TCF20: variants seen among roughly 807,000 people sequenced by gnomAD.
TCF20 encodes SPRE-binding protein.
Under a neutral mutation model 148.6 loss-of-function variants are expected in TCF20, and 3 were observed. The observed-to-expected ratio is 0.02, with a 90% CI of 0.01 to 0.05. TCF20 has a LOEUF of 0.05. Ranked by LOEUF, TCF20 falls within the 10% of genes least tolerant of loss-of-function variation. TCF20 has a pLI of 1.00. For missense variants in TCF20, 2,350 were observed against 2,429.3 expected (o/e 0.97, Z 0.69); for synonymous variants, 1,049 against 909.5 (o/e 1.15, Z -2.76).
intron 1 of TCF20, among the ~76,000 whole-genome samples, chr22:42,246,791 C>T (rs895581834): frequency 5.3e-5 from 8 of 151,144 alleles, no homozygotes; most frequent in Non-Finnish European, 1.0e-4. Flanking sequence ...CATGGTGAAA[C>T]GCCATCTCTA....
chr22:42,210,590 A>G lies in TCF20; in HGVS notation c.4716T>C (p.Asp1572=), dbSNP rs763381166. 2 of 1,613,806 alleles carry G rather than the reference A, an allele frequency of 1.2e-6. No individual in the cohort carries two copies. The highest frequency in any genetic ancestry group is 1.1e-5 in the South Asian group (1 of 91,054). Residue 1572 remains aspartate, a synonymous_variant, in exon 2 of 6, where the codon GAT becomes GAC. Transcript: ENST00000677622. The surrounding 1 kb of genome is among the most constrained non-coding windows in gnomAD (Gnocchi z 4.7). ...QPPQIPEGSA[D]GEPKPKKQRQ... ...TCTGTTTTTTTGGCTTTGGCTCTCCATCTGCAGAACCTTCTGGTATCTGTG... is the reference window on the plus strand; with the variant it reads ...TCTGTTTTTTTGGCTTTGGCTCTCCGTCTGCAGAACCTTCTGGTATCTGTG...
At chr22:42,163,789 C>CT (rs927446710) in intron 5 of TCF20, among the ~76,000 whole-genome samples, 1 of 152,202 alleles carries the variant, frequency 6.6e-6, no homozygotes, top group Non-Finnish European at 1.5e-5. Context: ...GTGCTGAAGA[C>CT]TGTGAATTCT....
Position 42,214,353 on chromosome 22 carries a change from G to A in TCF20, c.953C>T (p.Pro318Leu), listed in dbSNP as rs758821659. 12 of 1,614,048 alleles carry A rather than the reference G, an allele frequency of 7.4e-6. No individual in the cohort carries two copies. The Admixed American group carries it at 8.3e-5, about 11-fold the overall frequency. ...CTGAGAAGGGTGTTGTTGTTGCTGC[G>A]GTTGCTGCTGCTGCTGCCCCTGTTG... ...GTQQGQQQQQ[P>L]QQQQHPSQHV... Residue 318 changes from proline (P) to leucine (L), a missense_variant, in exon 2 of 6, where the codon CCG (proline) becomes CTG (leucine). Physicochemically the swap from Pro to Leu is moderately conservative, Grantham distance 98. Around this residue, in one of 7 missense-constraint regions of TCF20, gnomAD observed 1,641 missense variants for 1,662.6 expected, o/e 0.99. Transcript: ENST00000677622.
intron 1 of TCF20, among the ~76,000 whole-genome samples, chr22:42,322,205 G>T (rs1927745145): frequency 6.6e-6 from 1 of 151,860 alleles, no homozygotes; most frequent in South Asian, 2.1e-4. Context: ...AGAGAATAAA[G>T]AGTTCATTCA....
chr22:42,182,281 CTAA>C (rs1184239852), intron 2 of TCF20, among the ~76,000 whole-genome samples: 3 of 152,212 alleles, frequency 2.0e-5, no homozygotes, highest in African/African-American at 4.8e-5. Context: ...AGACGTGGGA[CTAA>C]TAATAGCACT....
chr22:42,273,893 G>A (rs1289712512), upstream of TCF20: 1 of 152,808 alleles, frequency 6.5e-6, no homozygotes, highest in Non-Finnish European at 1.5e-5. Context: ...TCTGCCTCTA[G>A]GTCACTGATT....
intron 5 of TCF20, among the ~76,000 whole-genome samples, chr22:42,163,335 G>A (rs1340582201): frequency 1.3e-5 from 2 of 152,250 alleles, no homozygotes; most frequent in Non-Finnish European, 2.9e-5. Flanking sequence ...TGCAGCCTGG[G>A]GCTCTGCCCT....
intron 1 of TCF20, among the ~76,000 whole-genome samples, chr22:42,226,900 G>A (rs980910911): frequency 1.2e-4 from 19 of 152,200 alleles, no homozygotes; most frequent in African/African-American, 4.3e-4. Flanking sequence ...TAGATAAAAA[G>A]GGCTAGTATT....
At chr22:42,168,770 G>A in intron 4 of TCF20, 34 bp from the exon 5 acceptor site, 1 of 1,588,938 alleles carries the variant, frequency 6.3e-7, no homozygotes, top group South Asian at 1.1e-5. Context: ...AGACAGACAG[G>A]TGGGAGAGGA....
Position 42,338,412 on chromosome 22 carries a change from G to C in TCF20, c.-37+5067C>G, listed in dbSNP as rs1157153968. 1.2e-5 allele frequency among the ~76,000 whole-genome samples: 1 copy of C among 82,476 alleles called. No homozygotes were observed. The highest frequency in any genetic ancestry group is 2.4e-5 in the Non-Finnish European group (1 of 42,266). 54.1% of individuals were successfully genotyped at this position (82,476 alleles called of 152,430 possible). A position where few individuals can be genotyped will look rare whatever the true frequency, so the allele number is the denominator to read the frequency against. On this transcript the variant is annotated intron_variant, in intron 1 of 1. Coordinates refer to the TCF20 transcript ENST00000515426. The surrounding 1 kb of genome is among the most constrained non-coding windows in gnomAD (Gnocchi z 4.0). ...GACACAAAGCTTAAATGGCAGCGCAGAGTCGGGAGGGGGGTGCCCAGGGGG... is the reference window on the plus strand; with the variant it reads ...GACACAAAGCTTAAATGGCAGCGCACAGTCGGGAGGGGGGTGCCCAGGGGG...
At chr22:42,340,856 A>AAGGGGAGGGGAAAGG (rs1928151760) in intron 1 of TCF20, among the ~76,000 whole-genome samples, 1 of 151,976 alleles carries the variant, frequency 6.6e-6, no homozygotes, top group Admixed American at 6.5e-5. Context: ...GGGGAGGGGA[A>AAGGGGAGGGGAAAGG]AGGGGAGGGG....
intron 1 of TCF20, among the ~76,000 whole-genome samples, chr22:42,321,116 C>G (rs942357185): frequency 6.6e-6 from 1 of 152,260 alleles, no homozygotes; most frequent in African/African-American, 2.4e-5. Flanking sequence ...AATTCAGGAG[C>G]AAGGGCTGGG....
intron 3 of TCF20, among the ~76,000 whole-genome samples, chr22:42,173,758 C>G (rs1293138476): frequency 4.6e-5 from 7 of 152,140 alleles, no homozygotes; most frequent in African/African-American, 1.7e-4. Context: ...ACCGCAATGA[C>G]CAAGACATGG....
At chr22:42,300,186 G>C (rs894509099) in intron 1 of TCF20, among the ~76,000 whole-genome samples, 1 of 152,066 alleles carries the variant, frequency 6.6e-6, no homozygotes, top group Non-Finnish European at 1.5e-5. Flanking sequence ...GGTAAGGGGA[G>C]GCAGGTTTTG....
At position 42,203,720 on chromosome 22, in the gene TCF20, A is replaced by G. The variant is rs532367122; in HGVS notation, c.5655+5931T>C. 4.5e-4 allele frequency among the ~76,000 whole-genome samples: 68 copies of G among 152,334 alleles called. 2 individuals carry two copies. The South Asian group carries it at 0.013, about 30-fold the overall frequency. Reference sequence around the variant, plus strand: ...AGAAATGAAGATGGGTCCCAGCAGAAGTAACAAAAAGCAAGTGCTTGCCAG... The same window carrying G: ...AGAAATGAAGATGGGTCCCAGCAGAGGTAACAAAAAGCAAGTGCTTGCCAG... On this transcript the variant is annotated intron_variant, in intron 2 of 5. Coordinates refer to ENST00000677622, the MANE Select transcript of TCF20 (RefSeq NM_001378418.1).
At chr22:42,225,342 C>T (rs1404022423) in intron 1 of TCF20, among the ~76,000 whole-genome samples, 2 of 151,652 alleles carry the variant, frequency 1.3e-5, no homozygotes, top group Non-Finnish European at 2.9e-5. Context: ...AGGCCGGGCG[C>T]GGTGGCTCAC....
intron 3 of TCF20, among the ~76,000 whole-genome samples, chr22:42,172,519 CA>C (rs1936192890): frequency 6.6e-6 from 1 of 152,214 alleles, no homozygotes; most frequent in Non-Finnish European, 1.5e-5. Flanking sequence ...AAAAGACCTA[CA>C]AGGTGGCCTA....
chr22:42,203,066 G>C (rs923475995), intron 2 of TCF20, among the ~76,000 whole-genome samples: 3 of 152,206 alleles, frequency 2.0e-5, no homozygotes, highest in Non-Finnish European at 4.4e-5. Context: ...CCAGGGATGA[G>C]TAATTAACAT....
At chr22:42,185,217 T>C (rs903602660) in intron 2 of TCF20, among the ~76,000 whole-genome samples, 4 of 152,206 alleles carry the variant, frequency 2.6e-5, no homozygotes, top group Non-Finnish European at 5.9e-5. Context: ...GCCTTGCAGA[T>C]TACCCTCCAC....
Sources: allele counts gnomAD v4.1 joint callset (sites outside exome capture counted in the v4.1 genomes callset), GRCh38; gene constraint gnomAD v4.1.1; regional missense constraint gnomAD v4.1.1; non-coding constraint Gnocchi (gnomAD v3.1); transcripts MANE v1.5; gene names NCBI Gene and HGNC (gene_info 2026-07-23, HGNC 2026-07-21).